Variants in PTPRQ observed in about 807,000 individuals in gnomAD.
PTPRQ encodes the protein protein tyrosine phosphatase receptor type Q.
A neutral mutation model predicts 246.0 loss-of-function variants in PTPRQ; 199 were observed. That is an observed-to-expected ratio of 0.81 (90% confidence interval 0.72 to 0.91). The LOEUF (loss-of-function observed/expected upper bound fraction) is 0.91, where lower values mean the gene tolerates loss of function less well. PTPRQ is among the 40% of genes least tolerant of loss of function. The pLI is 0.00. For missense variants in PTPRQ, 2,624 were observed against 2,528.4 expected, an observed-to-expected ratio of 1.04 and a Z score of -0.81; for synonymous variants, 869 against 853.2, an observed-to-expected ratio of 1.02 and a Z score of -0.32.
At chr12:80,670,229 G>A (rs772114994) in intron 41 of PTPRQ, 115 bp from the exon 42 acceptor site, 17 of 1,403,734 alleles carry the variant, frequency 1.2e-5, no homozygotes, top group African/African-American at 8.9e-5. Flanking sequence ...ATTTTATTTG[G>A]TTTGGTAAAT....
chr12:80,644,082 A>G (rs1451157671), intron 35 of PTPRQ, among the ~76,000 whole-genome samples: 1 of 152,216 alleles, frequency 6.6e-6, no homozygotes, highest in East Asian at 1.9e-4. Flanking sequence ...AATTCCCTAT[A>G]GATTTCAACT....
At chr12:80,468,892 G>A (rs995424608) in intron 7 of PTPRQ, 54 bp downstream of exon 7, 307 of 1,521,172 alleles carry the variant, frequency 2.0e-4, no homozygotes, top group Middle Eastern at 3.4e-4. Context: ...AATAAAATAT[G>A]TTACCAATAT....
intron 26 of PTPRQ, among the ~76,000 whole-genome samples, chr12:80,603,708 A>G (rs1898216905): frequency 6.6e-6 from 1 of 151,396 alleles, no homozygotes; most frequent in African/African-American, 2.4e-5. Context: ...TGGCTTTTCT[A>G]TGATCCTCCC....
At chr12:80,566,599 G>GC in intron 25 of PTPRQ, among the ~76,000 whole-genome samples, 1 of 152,118 alleles carries the variant, frequency 6.6e-6, no homozygotes, top group East Asian at 1.9e-4. Flanking sequence ...ATATGCAGTG[G>GC]CACCATCACA....
Position 80,541,785 on chromosome 12 carries a change from A to G in PTPRQ, c.3385A>G (p.Thr1129Ala). 2 of 1,550,932 alleles carry G rather than the reference A, an allele frequency of 1.3e-6. No homozygotes were observed. The highest frequency in any genetic ancestry group is 2.0e-5 in the Admixed American group (1 of 50,974). ...TDYILKITPS[T>A]EKGFSDTYTA... The stretch of plus-strand genomic sequence containing the variant: ...TTATATATTAAAAATTACTCCATCA[A>G]CAGAAAAGGGATTCTCTGATACCTA... Residue 1129 changes from threonine to alanine, a missense_variant, in exon 21 of 45, where the codon ACA (threonine) becomes GCA (alanine). Coordinates refer to ENST00000644991, the MANE Select transcript of PTPRQ (RefSeq NM_001145026.2).
chr12:80,674,814 T>C (rs1177917859), intron 43 of PTPRQ, among the ~76,000 whole-genome samples: 4 of 152,222 alleles, frequency 2.6e-5, no homozygotes, highest in Admixed American at 6.5e-5. Flanking sequence ...TTTACATTTT[T>C]ATGCTTTTTT....
intron 38 of PTPRQ, among the ~76,000 whole-genome samples, chr12:80,656,370 G>A (rs897215055): frequency 6.6e-6 from 1 of 152,050 alleles, no homozygotes; most frequent in Non-Finnish European, 1.5e-5. Context: ...ACATCTTGTA[G>A]CTGAGGTAAC....
At chr12:80,624,501 G>A (rs563832433) in intron 33 of PTPRQ, among the ~76,000 whole-genome samples, 1 of 152,300 alleles carries the variant, frequency 6.6e-6, no homozygotes, top group South Asian at 2.1e-4. Context: ...TTTATAGCGA[G>A]TAAGACAGTG....
intron 40 of PTPRQ, 80 bp downstream of exon 40, chr12:80,669,221 G>C: frequency 6.5e-7 from 1 of 1,528,728 alleles, no homozygotes; most frequent in East Asian, 2.5e-5. Context: ...CTAATACTGT[G>C]AGTCATCAAT....
chr12:80,445,382 T>C, intron 2 of PTPRQ, 109 bp from the exon 3 acceptor site: 1 of 685,940 alleles, frequency 1.5e-6, no homozygotes, highest in Non-Finnish European at 2.4e-6. Flanking sequence ...GAACTCATAT[T>C]GCTCTTTGGA....
intron 9 of PTPRQ, among the ~76,000 whole-genome samples, chr12:80,489,374 G>A (rs1467524712): frequency 3.9e-4 from 2 of 5,122 alleles, no homozygotes; most frequent in Non-Finnish European, 5.2e-3. Flanking sequence ...TATCTCTTTG[G>A]GGGGACAATA....
chr12:80,586,772 A>G (rs1897635094), intron 25 of PTPRQ: 1 of 152,186 alleles, frequency 6.6e-6, no homozygotes, highest in Non-Finnish European at 1.5e-5. Flanking sequence ...GAAAATATAC[A>G]AAACCAAAAT....
At position 80,444,741 on chromosome 12, in the gene PTPRQ, G is replaced by A; in HGVS notation, c.55G>A (p.Val19Ile). The A allele has an allele frequency of 6.5e-7, 1 of 1,535,552 alleles. No individual in the cohort carries two copies. Among genetic ancestry groups the A allele is most frequent in the Non-Finnish European group, 8.8e-7 (1 of 1,135,216 alleles). ...CAACTATTTGTTTGTGGTGTTCTAG[G>A]TTGATGTTTCCAATGTCGTTCCTGG... Reference protein sequence around the residue: ...LLFIGTSETQVDVSNVVPGTR... With the variant: ...LLFIGTSETQIDVSNVVPGTR... Residue 19 changes from valine to isoleucine, a missense_variant and splice_region_variant, in exon 2 of 45, where the codon GTT (valine) becomes ATT (isoleucine). Physicochemically the swap from Val to Ile is conservative, Grantham distance 29 (BLOSUM62 3). Transcript: ENST00000644991.
At chr12:80,513,276 G>T (rs1001767021) in intron 17 of PTPRQ, among the ~76,000 whole-genome samples, 1 of 152,070 alleles carries the variant, frequency 6.6e-6, no homozygotes, top group African/African-American at 2.4e-5. Flanking sequence ...AAATGGAGTG[G>T]GAAGATGGTT....
rs182332429 is a variant in PTPRQ, at chr12:80,450,487, C to G, written c.390+4770C>G. On this transcript the variant is annotated intron_variant, in intron 3 of 44. Coordinates refer to ENST00000644991, the MANE Select transcript of PTPRQ (RefSeq NM_001145026.2). Reference sequence around the variant, plus strand: ...CAAAGGGAATGCTTCTGGTTTTTGCCCATTCAGTATGATATTGGCTGTGGG... The same window carrying G: ...CAAAGGGAATGCTTCTGGTTTTTGCGCATTCAGTATGATATTGGCTGTGGG... Among the ~76,000 whole-genome samples the G allele has an allele frequency of 2.2e-4, 34 of 152,218 alleles. No homozygotes were observed. In the East Asian group the frequency reaches 6.2e-3, roughly 28 times the overall value.
intron 25 of PTPRQ, among the ~76,000 whole-genome samples, chr12:80,580,896 C>G (rs576480625): frequency 6.6e-6 from 1 of 152,312 alleles, no homozygotes; most frequent in Admixed American, 6.5e-5. Context: ...ACAAATAACT[C>G]TTGCCTGGAT....
chr12:80,520,258 G>A (rs1010736325), intron 17 of PTPRQ, among the ~76,000 whole-genome samples: 6 of 152,058 alleles, frequency 3.9e-5, no homozygotes, highest in Admixed American at 3.3e-4. Context: ...TCCTGTGGCG[G>A]TTTCCCCCAT....
At chr12:80,587,532 G>T (rs971058669) in intron 25 of PTPRQ, among the ~76,000 whole-genome samples, 3 of 151,990 alleles carry the variant, frequency 2.0e-5, no homozygotes, top group Non-Finnish European at 2.9e-5. Context: ...GTATGCATTT[G>T]GCAAACCTGT....
chr12:80,453,012 G>A (rs540025912), intron 3 of PTPRQ, among the ~76,000 whole-genome samples: 3 of 152,268 alleles, frequency 2.0e-5, no homozygotes, highest in Admixed American at 1.3e-4. Flanking sequence ...CCAATCATAC[G>A]TAGATTTGGT....
Sources: gnomAD v4.1 joint callset for allele counts (sites outside exome capture counted in the v4.1 genomes callset) on GRCh38, gnomAD v4.1.1 for gene constraint, MANE v1.5 for transcripts, NCBI Gene and HGNC (gene_info 2026-07-23, HGNC 2026-07-21) for gene names.